CFAP299: variants seen among roughly 807,000 people sequenced by gnomAD.
CFAP299 encodes the protein cilia- and flagella-associated protein 299.
CFAP299 carries 21 observed loss-of-function variants against 27.0 expected under a neutral mutation model. The observed-to-expected ratio is 0.78, with a 90% CI of 0.55 to 1.12. The LOEUF (loss-of-function observed/expected upper bound fraction) is 1.12, where lower values mean the gene tolerates loss of function less well. Among genes scored for constraint, CFAP299 ranks in the 50% most tolerant of loss-of-function variants. The pLI is 0.00. For synonymous variants in CFAP299, 104 were observed against 98.1 expected, an observed-to-expected ratio of 1.06 and a Z score of -0.36; for missense variants, 310 against 276.6, an observed-to-expected ratio of 1.12 and a Z score of -0.86.
rs548080491 is a variant in CFAP299 at position 80,767,475 on chromosome 4, G to C, written c.334-102518G>C. Among the ~76,000 whole-genome samples, 5 of 152,210 alleles carry C rather than the reference G, an allele frequency of 3.3e-5. No individual in the cohort carries two copies. In the South Asian group the frequency reaches 8.3e-4, roughly 25 times the overall value. On this transcript the variant is annotated intron_variant, in intron 3 of 5. Coordinates refer to ENST00000358105, the MANE Select transcript of CFAP299 (RefSeq NM_152770.3). ...ATACAAAAAATTAGCCAGGCGTGGT[G>C]GTGGACGCCTGTAGTCCCAGCTACT...
At chr4:80,493,840 A>G (rs1560592959) in intron 2 of CFAP299, among the ~76,000 whole-genome samples, 2 of 132,962 alleles carry the variant, frequency 1.5e-5, no homozygotes, top group African/African-American at 3.2e-5. Flanking sequence ...CAGTGGCGCA[A>G]TCTCGGCTCA....
intron 4 of CFAP299, among the ~76,000 whole-genome samples, chr4:80,933,162 T>G (rs370317619): frequency 6.7e-6 from 1 of 150,372 alleles, no homozygotes; most frequent in Non-Finnish European, 1.5e-5. Context: ...CTTTCTTTCC[T>G]TTCCTTTCTT....
chr4:80,439,678 A>G (rs1012408499), intron 2 of CFAP299, among the ~76,000 whole-genome samples: 1 of 152,172 alleles, frequency 6.6e-6, no homozygotes, highest in Non-Finnish European at 1.5e-5. Context: ...GGTGCCTGGA[A>G]TGCCAGTGAG....
At chr4:80,826,373 A>G (rs1729987908) in intron 3 of CFAP299, among the ~76,000 whole-genome samples, 1 of 151,822 alleles carries the variant, frequency 6.6e-6, no homozygotes, top group Non-Finnish European at 1.5e-5. Flanking sequence ...CTTATCAGTA[A>G]TTATTTTAAA....
At position 80,391,732 on chromosome 4, in the gene CFAP299, C is replaced by T. The variant is rs141758746; in HGVS notation, c.242+28848C>T. 1.0e-3 allele frequency among the ~76,000 whole-genome samples: 158 copies of T among 152,274 alleles called. 1 individual carries two copies. Among genetic ancestry groups the T allele is most frequent in the Middle Eastern group, 3.4e-3 (1 of 294 alleles). ...CCTTTAATCCTAGCACTTTGGTAGG[C>T]TAAGATGGGACTACTGCTTGATCCC... On this transcript the variant is annotated intron_variant, in intron 2 of 5. Transcript: ENST00000358105.
At chr4:80,572,115 C>G (rs1001960110) in intron 2 of CFAP299, among the ~76,000 whole-genome samples, 1 of 152,038 alleles carries the variant, frequency 6.6e-6, no homozygotes. Flanking sequence ...TTGATACATG[C>G]AGAGTAAATG....
Position 80,867,905 on chromosome 4 carries a change from A to G in CFAP299, c.334-2088A>G, listed in dbSNP as rs185634389. On this transcript the variant is annotated intron_variant, in intron 3 of 5. Transcript: ENST00000358105. ...ATTTTATTTTTCCTAACTCTTCTAT[A>G]ATTTTCCTTTTCATTATTGCCTTCT... Among the ~76,000 whole-genome samples, 322 of 152,202 alleles carry G rather than the reference A, an allele frequency of 2.1e-3. 2 individuals carry two copies. Among genetic ancestry groups the G allele is most frequent in the African/African-American group, 7.4e-3 (308 of 41,534 alleles).
At chr4:80,362,630 A>G (rs1332491221) in intron 1 of CFAP299, 124 bp from the exon 2 acceptor site, 2 of 1,050,806 alleles carry the variant, frequency 1.9e-6, no homozygotes, top group South Asian at 4.8e-5. Flanking sequence ...CTAGTTTTTA[A>G]ATACATTTAA....
chr4:80,365,271 T>C (rs1165823206), intron 2 of CFAP299, among the ~76,000 whole-genome samples: 1 of 152,202 alleles, frequency 6.6e-6, no homozygotes, highest in Middle Eastern at 3.2e-3. Flanking sequence ...TTTTTGACTT[T>C]TTAATAATCA....
chr4:80,748,741 A>G (rs1724758062), intron 3 of CFAP299, among the ~76,000 whole-genome samples: 1 of 152,132 alleles, frequency 6.6e-6, no homozygotes, highest in Non-Finnish European at 1.5e-5. Flanking sequence ...CTCCTCATCA[A>G]TATTATCTCT....
chr4:80,689,417 A>C (rs991089046), intron 3 of CFAP299, among the ~76,000 whole-genome samples: 64 of 152,322 alleles, frequency 4.2e-4, no homozygotes, highest in East Asian at 1.5e-3. Flanking sequence ...AATTTTCAAC[A>C]CAGAATTTCA....
At chr4:80,863,310 A>C (rs923253484) in intron 3 of CFAP299, among the ~76,000 whole-genome samples, 4 of 151,976 alleles carry the variant, frequency 2.6e-5, no homozygotes, top group Admixed American at 6.6e-5. Flanking sequence ...ATCAGGCAAC[A>C]CATGTAGTCA....
At chr4:80,797,252 C>G (rs942202228) in intron 3 of CFAP299, among the ~76,000 whole-genome samples, 11 of 152,130 alleles carry the variant, frequency 7.2e-5, no homozygotes, top group African/African-American at 2.2e-4. Context: ...TTTGGTCCTT[C>G]CTCAAGGGGA....
chr4:80,955,508 A>G (rs1218180056), intron 5 of CFAP299, among the ~76,000 whole-genome samples: 1 of 152,226 alleles, frequency 6.6e-6, no homozygotes, highest in East Asian at 1.9e-4. Context: ...CTCTAAAAGA[A>G]TAATCATTTT....
intron 5 of CFAP299, among the ~76,000 whole-genome samples, chr4:80,949,890 A>G (rs1578261827): frequency 6.6e-6 from 1 of 152,096 alleles, no homozygotes; most frequent in East Asian, 1.9e-4. Context: ...TTGGGCTTTA[A>G]TGTTAGAAGG....
chr4:80,943,459 T>G (rs1243805637), intron 4 of CFAP299, among the ~76,000 whole-genome samples: 1 of 151,994 alleles, frequency 6.6e-6, no homozygotes, highest in Non-Finnish European at 1.5e-5. Context: ...AAGGGAGTAA[T>G]AGAGGGCAAA....
chr4:80,579,631 G>T (rs1211769278), intron 2 of CFAP299, among the ~76,000 whole-genome samples: 1 of 152,010 alleles, frequency 6.6e-6, no homozygotes, highest in East Asian at 1.9e-4. Flanking sequence ...CTGGCATTTT[G>T]TATCTGATAG....
At chr4:80,727,033 AAAAT>A (rs1723204191) in intron 3 of CFAP299, among the ~76,000 whole-genome samples, 1 of 152,124 alleles carries the variant, frequency 6.6e-6, no homozygotes, top group Non-Finnish European at 1.5e-5. Context: ...AATAAAGTGA[AAAAT>A]AAATAAAAGA....
chr4:80,873,414 A>G (rs913348260), intron 4 of CFAP299, among the ~76,000 whole-genome samples: 1 of 152,136 alleles, frequency 6.6e-6, no homozygotes, highest in African/African-American at 2.4e-5. Flanking sequence ...CCAAACTGGC[A>G]ATCTTTTCAA....
Sources: allele counts gnomAD v4.1 joint callset (sites outside exome capture counted in the v4.1 genomes callset), GRCh38; gene constraint gnomAD v4.1.1; transcripts MANE v1.5; gene names NCBI Gene and HGNC (gene_info 2026-07-23, HGNC 2026-07-21).